ADCY2: variants seen among roughly 807,000 people sequenced by gnomAD.
ADCY2 encodes the protein adenylate cyclase type 2.
A neutral mutation model predicts 125.2 loss-of-function variants in ADCY2; 31 were observed. That is an observed-to-expected ratio of 0.25 (90% confidence interval 0.19 to 0.33). ADCY2 has a LOEUF of 0.33. ADCY2 is among the 10% of genes least tolerant of loss of function. ADCY2 has a pLI of 1.00. For synonymous variants in ADCY2, 512 were observed against 548.4 expected (o/e 0.93, Z 0.93); for missense variants, 904 against 1,418.2 (o/e 0.64, Z 5.82).
chr5:7,666,617 G>A (rs1002515601), intron 4 of ADCY2, among the ~76,000 whole-genome samples: 2 of 152,152 alleles, frequency 1.3e-5, no homozygotes, highest in African/African-American at 4.8e-5. Context: ...ATTCCCATAC[G>A]TAAAGTCCAA....
At position 7,825,254 on chromosome 5, in the gene ADCY2, G is replaced by A. The variant is rs377429790; in HGVS notation, c.3124-1465G>A. ...CAACGCTGCTGTGTGACATGACAAC[G>A]CTGCTGTGTGCCATGACAATGCTGC... On this transcript the variant is annotated intron_variant, in intron 24 of 24. Coordinates refer to ENST00000338316, the MANE Select transcript of ADCY2 (RefSeq NM_020546.3). 6.6e-5 allele frequency among the ~76,000 whole-genome samples: 10 copies of A among 151,986 alleles called. No homozygotes were observed. The South Asian group carries it at 1.3e-3, about 19-fold the overall frequency.
chr5:7,498,230 T>C (rs1021709385), intron 2 of ADCY2, among the ~76,000 whole-genome samples: 4 of 150,040 alleles, frequency 2.7e-5, no homozygotes, highest in Non-Finnish European at 5.9e-5. Context: ...AAACTCTTTT[T>C]CTTTTTTCGT....
intron 2 of ADCY2, among the ~76,000 whole-genome samples, chr5:7,434,597 T>A (rs1408300335): frequency 1.3e-5 from 2 of 152,222 alleles, no homozygotes; most frequent in African/African-American, 2.4e-5. Flanking sequence ...GCTCTTAGGA[T>A]GTGCACACAA....
At chr5:7,402,699 C>G (rs916104183) in intron 1 of ADCY2, among the ~76,000 whole-genome samples, 3 of 152,102 alleles carry the variant, frequency 2.0e-5, no homozygotes, top group Non-Finnish European at 4.4e-5. Flanking sequence ...TTCTGAAAAG[C>G]TTGGTGCTGG....
chr5:7,662,517 C>T (rs1221214211), intron 4 of ADCY2, among the ~76,000 whole-genome samples: 2 of 152,250 alleles, frequency 1.3e-5, no homozygotes, highest in African/African-American at 4.8e-5. Flanking sequence ...GCATGGCCAG[C>T]CTCCTGCCAG....
chr5:7,581,660 A>G (rs1168951604), intron 3 of ADCY2, among the ~76,000 whole-genome samples: 3 of 109,924 alleles, frequency 2.7e-5, no homozygotes, highest in African/African-American at 8.7e-5. Flanking sequence ...TCTACTAAAA[A>G]TACAAAAAAA....
At chr5:7,746,595 T>C (rs1221841104) in intron 15 of ADCY2, among the ~76,000 whole-genome samples, 2 of 152,222 alleles carry the variant, frequency 1.3e-5, no homozygotes, top group Non-Finnish European at 2.9e-5. Flanking sequence ...ATTCCCTGGC[T>C]TCTTAATAGC....
intron 2 of ADCY2, among the ~76,000 whole-genome samples, chr5:7,425,036 C>A (rs569571874): frequency 6.6e-6 from 1 of 152,124 alleles, no homozygotes; most frequent in Non-Finnish European, 1.5e-5. Context: ...TCTCCCTGTG[C>A]GGTGCCAGCC....
At chr5:7,790,279 A>C (rs1744213974) in intron 20 of ADCY2, among the ~76,000 whole-genome samples, 1 of 152,194 alleles carries the variant, frequency 6.6e-6, no homozygotes, top group African/African-American at 2.4e-5. Flanking sequence ...TTAGAATTTC[A>C]AAGATATCAG....
intron 5 of ADCY2, among the ~76,000 whole-genome samples, chr5:7,693,067 A>T (rs1295337218): frequency 6.6e-6 from 1 of 152,174 alleles, no homozygotes; most frequent in African/African-American, 2.4e-5. Context: ...GCTCAGCCAG[A>T]AACAGGATCT....
chr5:7,676,889 G>C (rs1740144163), intron 4 of ADCY2, among the ~76,000 whole-genome samples: 1 of 152,164 alleles, frequency 6.6e-6, no homozygotes, highest in African/African-American at 2.4e-5. Flanking sequence ...TGGAATTTAG[G>C]TAGCTGAAAC....
At chr5:7,596,019 T>G (rs554912850) in intron 3 of ADCY2, among the ~76,000 whole-genome samples, 5 of 151,680 alleles carry the variant, frequency 3.3e-5, no homozygotes, top group Non-Finnish European at 7.4e-5. Flanking sequence ...TTTTATATGG[T>G]GATGCTAGTT....
chr5:7,572,442 G>A (rs1290285543), intron 3 of ADCY2, among the ~76,000 whole-genome samples: 2 of 152,128 alleles, frequency 1.3e-5, no homozygotes, highest in African/African-American at 2.4e-5. Flanking sequence ...TTGGCCACAT[G>A]TATGTCTCTT....
chr5:7,724,709 A>C (rs1288725612), intron 13 of ADCY2, 95 bp downstream of exon 13: 30 of 874,548 alleles, frequency 3.4e-5, no homozygotes, highest in Non-Finnish European at 5.2e-5. Context: ...TGTGACATTT[A>C]AACTGCCTCT....
intron 4 of ADCY2, among the ~76,000 whole-genome samples, chr5:7,680,974 A>G (rs1277440012): frequency 5.9e-5 from 9 of 152,252 alleles, no homozygotes; most frequent in Non-Finnish European, 8.8e-5. Context: ...CAACATAGGT[A>G]CAGAAATAGG....
In ADCY2 at chr5:7,396,478, TG is replaced by T. The variant is rs2111425183; in HGVS notation, c.183del (p.Leu62SerfsTer18). 1 of 1,569,714 alleles carries T rather than the reference TG, an allele frequency of 6.4e-7. No homozygotes were observed. The highest frequency in any genetic ancestry group is 8.6e-7 in the Non-Finnish European group (1 of 1,158,548). On this transcript the variant is annotated frameshift_variant, in exon 1 of 25. Transcript: ENST00000338316. LOFTEE classifies it high-confidence loss of function. This position sits in a 1 kb window ranked among gnomAD's most constrained non-coding sequence, Gnocchi z 5.7. ...ATCGTCATGGGCTCCTGCCTCGCCC[TG>T]CTCGCCGTCTTCTTCGCGCTCGGGC... The part of the protein sequence containing the change: ...LLIVMGSCLA[L>X]LAVFFALGLE...
chr5:7,684,306 G>T (rs1003438129), intron 4 of ADCY2, among the ~76,000 whole-genome samples: 5 of 152,178 alleles, frequency 3.3e-5, no homozygotes, highest in African/African-American at 1.2e-4. Context: ...GTGCCACAAG[G>T]TGCCCTGTGC....
At position 7,709,269 on chromosome 5, in the gene ADCY2, A is replaced by G; in HGVS notation, c.1460A>G (p.Lys487Arg). 6.2e-7 allele frequency: 1 copy of G among 1,613,974 alleles called. No individual in the cohort carries two copies. The highest frequency in any genetic ancestry group is 8.5e-7 in the Non-Finnish European group (1 of 1,179,966). ...FRPRHTLDGA[K>R]MRASVRMTRY... ...CCTCGCCACACCCTTGATGGAGCCA[A>G]AATGAGGGCCTCGGTCCGCATGACC... Residue 487 changes from lysine (K) to arginine (R), a missense_variant, in exon 10 of 25, where the codon AAA (lysine) becomes AGA (arginine). This residue lies in a region of ADCY2 where 144 missense variants were observed against 227.7 expected (regional missense o/e 0.63). Transcript: ENST00000338316. This position sits in a 1 kb window ranked among gnomAD's most constrained non-coding sequence, Gnocchi z 4.4.
chr5:7,524,067 C>A (rs1451568949), intron 3 of ADCY2, among the ~76,000 whole-genome samples: 1 of 152,086 alleles, frequency 6.6e-6, no homozygotes, highest in African/African-American at 2.4e-5. Context: ...TCATTGTTCT[C>A]GGGAAATTCA....
Sources: allele counts gnomAD v4.1 joint callset (sites outside exome capture counted in the v4.1 genomes callset), GRCh38; gene constraint gnomAD v4.1.1; regional missense constraint gnomAD v4.1.1; non-coding constraint Gnocchi (gnomAD v3.1); transcripts MANE v1.5; gene names NCBI Gene and HGNC (gene_info 2026-07-23, HGNC 2026-07-21).